Variants in ZNF721 observed in about 807,000 individuals in gnomAD.
ZNF721 encodes zinc finger protein 721.
In ZNF721, 2 loss-of-function variants were observed where a neutral mutation model predicts 2.4. The ratio of observed to expected loss-of-function variants is 0.82; its 90% CI spans 0.34 to 2.58. The LOEUF is 2.58. Among genes scored for constraint, ZNF721 ranks in the 30% most tolerant of loss-of-function variants. ZNF721 has a pLI of 0.11. For missense variants in ZNF721, 1,187 were observed against 1,085.5 expected (o/e 1.09, Z -1.31); for synonymous variants, 398 against 381.8 (o/e 1.04, Z -0.50).
Position 441,520 on chromosome 4 carries a change from C to T in ZNF721, c.*175G>A. ...AGATTGAGGTGTGATTAAAAGCCTT[C>T]TCACATTTTTCACATTTTAGAGTTT... On this transcript the variant is annotated 3_prime_UTR_variant, in exon 3 of 3. Transcript: ENST00000511833. 1.7e-6 allele frequency: 1 copy of T among 600,746 alleles called. No homozygotes were observed. Among genetic ancestry groups the T allele is most frequent in the Non-Finnish European group, 2.8e-6 (1 of 353,624 alleles). 37.2% of individuals were successfully genotyped at this position (600,746 alleles called of 1,614,324 possible). A position where few individuals can be genotyped will look rare whatever the true frequency, so the allele number is the denominator to read the frequency against.
intron 2 of ZNF721, among the ~76,000 whole-genome samples, chr4:467,612 C>T (rs1445037400): frequency 6.6e-6 from 1 of 152,216 alleles, no homozygotes; most frequent in Non-Finnish European, 1.5e-5. Flanking sequence ...GCAGCTTGGT[C>T]TTACTGAGGA....
intron 2 of ZNF721, among the ~76,000 whole-genome samples, chr4:464,096 A>AC (rs1440209599): frequency 6.6e-6 from 1 of 152,230 alleles, no homozygotes; most frequent in African/African-American, 2.4e-5. Flanking sequence ...GCTGAAGCAC[A>AC]CAATAGTAGA....
At chr4:480,073 G>A (rs146885135) in intron 1 of ZNF721, among the ~76,000 whole-genome samples, 1 of 152,062 alleles carries the variant, frequency 6.6e-6, no homozygotes, top group African/African-American at 2.4e-5. Context: ...TGTCAATTTG[G>A]AACTCTACAG....
At position 490,518 on chromosome 4, in the gene ZNF721, A is replaced by T. The variant is rs547321041; in HGVS notation, c.-94+8538T>A. Among the ~76,000 whole-genome samples the T allele has an allele frequency of 2.0e-5, 3 of 152,234 alleles. No individual in the cohort carries two copies. In the South Asian group the frequency reaches 6.2e-4, roughly 32 times the overall value. On this transcript the variant is annotated intron_variant, in intron 1 of 2. Transcript: ENST00000511833. ...ATAAAAAAATAAAATTATCACAAAC[A>T]ATTTCACTTGTTTCTTTTTATTAGT...
At chr4:446,236 C>T (rs1714469276) in intron 2 of ZNF721, among the ~76,000 whole-genome samples, 1 of 152,114 alleles carries the variant, frequency 6.6e-6, no homozygotes, top group African/African-American at 2.4e-5. Context: ...GTGCGGAAAA[C>T]ATTTTAATTA....
At chr4:482,064 C>A (rs10028859) in intron 1 of ZNF721, among the ~76,000 whole-genome samples, 21 of 152,208 alleles carry the variant, frequency 1.4e-4, no homozygotes, top group African/African-American at 4.8e-4. Flanking sequence ...GAATTTTGGG[C>A]GAGTCAGTAA....
chr4:491,901 T>C (rs566344182), intron 1 of ZNF721, among the ~76,000 whole-genome samples: 3 of 151,948 alleles, frequency 2.0e-5, no homozygotes, highest in East Asian at 1.9e-4. Context: ...ATGCCTGTAA[T>C]CCCAGCACTT....
In ZNF721 at chr4:440,120, T is replaced by A. The variant is rs1714181086; in HGVS notation, c.*1575A>T. On this transcript the variant is annotated 3_prime_UTR_variant, in exon 3 of 3. Coordinates refer to ENST00000511833, the MANE Select transcript of ZNF721 (RefSeq NM_133474.4). ...TGGCAAAACAATTTACTACTAAAAT[T>A]CAGATTCTCTCTCAGTATAACGCAA... 6.6e-6 allele frequency: 1 copy of A among 152,214 alleles called. No homozygotes were observed. Among genetic ancestry groups the A allele is most frequent in the South Asian group, 2.1e-4 (1 of 4,832 alleles). The allele number at this position is 152,214 out of a possible 1,614,324, so 9.4% of individuals were successfully genotyped here. A position where few individuals can be genotyped will look rare whatever the true frequency, so the allele number is the denominator to read the frequency against.
chr4:465,010 AGGAGAC>A (rs1715199261), intron 2 of ZNF721, among the ~76,000 whole-genome samples: 1 of 151,424 alleles, frequency 6.6e-6, no homozygotes, highest in Admixed American at 6.6e-5. Flanking sequence ...GCTTGAACCC[AGGAGAC>A]GGAGGTTGTG....
intron 1 of ZNF721, among the ~76,000 whole-genome samples, chr4:497,766 C>T (rs1191363912): frequency 6.7e-6 from 1 of 150,320 alleles, no homozygotes; most frequent in Non-Finnish European, 1.5e-5. Context: ...GGCGTGGCGG[C>T]GGGCGCCTGT....
At chr4:478,519 C>A (rs1254461745) in intron 1 of ZNF721, among the ~76,000 whole-genome samples, 3 of 152,022 alleles carry the variant, frequency 2.0e-5, no homozygotes, top group African/African-American at 7.3e-5. Context: ...AGTCATCACA[C>A]CTAGCCCTCA....
At position 443,730 on chromosome 4, in the gene ZNF721, T is replaced by C. The variant is rs1553863725; in HGVS notation, c.737A>G (p.Glu246Gly). 6.2e-7 allele frequency: 1 copy of C among 1,614,138 alleles called. No individual in the cohort carries two copies. The highest frequency in any genetic ancestry group is 1.1e-5 in the South Asian group (1 of 91,078). The change falls in exon 3 of 3, where the codon GAG becomes GGG. Residue 246 changes from glutamate (E) to glycine (G), a missense_variant. Glu to Gly is a moderately conservative substitution (Grantham distance 98). Transcript: ENST00000511833. ...LNKHEKIHTG[E>G]KPYKCKECGK... ...ACATTCCTTACATTTGTAGGGTTTC[T>C]CTCCAGTATGAATTTTCTCATGTTT... is the stretch of plus-strand genomic sequence containing the variant.
At chr4:463,511 GC>G (rs1267319113) in intron 2 of ZNF721, among the ~76,000 whole-genome samples, 6 of 152,162 alleles carry the variant, frequency 3.9e-5, no homozygotes, top group Non-Finnish European at 7.4e-5. Context: ...CAACCCAAAT[GC>G]CCATCAATGG....
At chr4:486,058 C>CTTTAAATGGG (rs1715887712) in intron 1 of ZNF721, among the ~76,000 whole-genome samples, 1 of 152,148 alleles carries the variant, frequency 6.6e-6, no homozygotes, top group Non-Finnish European at 1.5e-5. Context: ...TTAAATACCA[C>CTTTAAATGGG]CACCCACATG....
rs782628343 is a variant in ZNF721, at chr4:442,203, C to T, written c.2264G>A (p.Cys755Tyr). ...TTTAAACACTTTCCCACATTCTTTA[C>T]ATTTGTAGAGTTTATCTCCAGTATG... ...KIHTGDKLYK[C>Y]KECGKVFKQS... The change falls in exon 3 of 3, where the codon TGT becomes TAT. Residue 755 changes from cysteine to tyrosine, a missense_variant. Coordinates refer to ENST00000511833, the MANE Select transcript of ZNF721 (RefSeq NM_133474.4). 10 of 1,612,246 alleles carry T rather than the reference C, an allele frequency of 6.2e-6. No individual in the cohort carries two copies. Among genetic ancestry groups the T allele is most frequent in the Non-Finnish European group, 8.5e-6 (10 of 1,178,908 alleles).
In ZNF721 at chr4:443,213, T is replaced by A. The variant is rs781851884; in HGVS notation, c.1254A>T (p.Thr418=). The part of the protein sequence containing the change: ...KRIHTREKPY[T]CEDRGRAFGL... Reference sequence around the variant, plus strand: ...CAAAGGCTCTGCCACGATCTTCACATGTGTAGGGTTTCTCTCTGGTGTGAA... The same window carrying A: ...CAAAGGCTCTGCCACGATCTTCACAAGTGTAGGGTTTCTCTCTGGTGTGAA... Residue 418 remains threonine (T), a synonymous_variant, in exon 3 of 3, where the codon ACA becomes ACT. Transcript: ENST00000511833. 2 of 1,613,720 alleles carry A rather than the reference T, an allele frequency of 1.2e-6. No individual in the cohort carries two copies. Among genetic ancestry groups the A allele is most frequent in the Admixed American group, 3.3e-5 (2 of 59,992 alleles).
intron 2 of ZNF721, among the ~76,000 whole-genome samples, chr4:456,582 T>C (rs1160876619): frequency 1.3e-5 from 2 of 152,104 alleles, no homozygotes; most frequent in Non-Finnish European, 2.9e-5. Context: ...ACCATACAAA[T>C]ATGAAAATTA....
Position 443,750 on chromosome 4 carries a change from A to G in ZNF721, c.717T>C (p.His239=). The change falls in exon 3 of 3, where the codon CAT becomes CAC. Residue 239 remains histidine, a synonymous_variant. Coordinates refer to ENST00000511833, the MANE Select transcript of ZNF721 (RefSeq NM_133474.4). The part of the protein sequence containing the change: ...AFMHSSHLNK[H]EKIHTGEKPY... ...GTTTCTCTCCAGTATGAATTTTCTC[A>G]TGTTTATTCAGGTGTGAGGAATGCA... 1 of 1,613,380 alleles carries G rather than the reference A, an allele frequency of 6.2e-7. No individual in the cohort carries two copies. Among genetic ancestry groups the G allele is most frequent in the South Asian group, 1.1e-5 (1 of 91,058 alleles).
chr4:494,045 TC>T (rs1218298201), intron 1 of ZNF721, among the ~76,000 whole-genome samples: 3 of 152,220 alleles, frequency 2.0e-5, no homozygotes, highest in Non-Finnish European at 2.9e-5. Flanking sequence ...TTTTCTTTTT[TC>T]CTGATAAAGT....
Sources: gnomAD v4.1 joint callset for allele counts (sites outside exome capture counted in the v4.1 genomes callset) on GRCh38, gnomAD v4.1.1 for gene constraint, MANE v1.5 for transcripts, NCBI Gene and HGNC (gene_info 2026-07-23, HGNC 2026-07-21) for gene names.